The following HCN1 variants were observed in gnomAD, a reference collection of about 807,000 sequenced individuals.
HCN1 encodes potassium/sodium hyperpolarization-activated cyclic nucleotide-gated channel 1.
Under a neutral mutation model 78.9 loss-of-function variants are expected in HCN1, and 13 were observed. The ratio of observed to expected loss-of-function variants is 0.16; its 90% CI spans 0.11 to 0.26. HCN1 has a LOEUF of 0.26. HCN1 is among the 10% of genes least tolerant of loss of function. The pLI, the probability that HCN1 is intolerant of heterozygous loss-of-function variation, is 1.00. For missense variants in HCN1, 810 were observed against 1,154.3 expected (o/e 0.70, Z 4.32); for synonymous variants, 552 against 455.5 (o/e 1.21, Z -2.70).
chr5:45,501,456 C>CG (rs1358966944), intron 2 of HCN1, among the ~76,000 whole-genome samples: 1 of 151,560 alleles, frequency 6.6e-6, no homozygotes, highest in African/African-American at 2.4e-5. Flanking sequence ...TTTTTTGAGA[C>CG]GGAGTCTTGC....
chr5:45,355,774 C>A (rs1357481086), intron 4 of HCN1, among the ~76,000 whole-genome samples: 1 of 151,882 alleles, frequency 6.6e-6, no homozygotes, highest in African/African-American at 2.4e-5. Context: ...ACTGTTAATA[C>A]CTGCCAAGAT....
intron 3 of HCN1, among the ~76,000 whole-genome samples, chr5:45,426,865 G>T (rs780881641): frequency 6.6e-6 from 1 of 152,008 alleles, no homozygotes; most frequent in Non-Finnish European, 1.5e-5. Flanking sequence ...TTAAACTATA[G>T]TGTAGACAAA....
At chr5:45,365,765 A>G (rs1171607415) in intron 4 of HCN1, among the ~76,000 whole-genome samples, 1 of 151,884 alleles carries the variant, frequency 6.6e-6, no homozygotes, top group Non-Finnish European at 1.5e-5. Flanking sequence ...GAATCTCCAT[A>G]TCGTTTTACT....
At chr5:45,371,920 A>G (rs1747375865) in intron 4 of HCN1, among the ~76,000 whole-genome samples, 1 of 107,556 alleles carries the variant, frequency 9.3e-6, no homozygotes, top group Non-Finnish European at 1.8e-5. Flanking sequence ...AAAATATATA[A>G]TATACATTAT....
chr5:45,303,857 A>G lies in HCN1; in HGVS notation c.1378-18T>C. The G allele has an allele frequency of 6.2e-7, 1 of 1,606,624 alleles. No individual in the cohort carries two copies. The highest frequency in any genetic ancestry group is 8.5e-7 in the Non-Finnish European group (1 of 1,173,416). ...ACTATCTCCTAAAGATGTCAAGAGT[A>G]AACAAATATTAAGAGAGATATTAAT... On this transcript the variant is annotated intron_variant, in intron 5 of 7. Transcript: ENST00000303230.
At chr5:45,424,287 C>G (rs377342572) in intron 3 of HCN1, among the ~76,000 whole-genome samples, 2 of 151,454 alleles carry the variant, frequency 1.3e-5, no homozygotes, top group African/African-American at 4.9e-5. Context: ...AGCTAGACTC[C>G]GCCTCAAACA....
Position 45,262,363 on chromosome 5 carries a change from G to C in HCN1, c.2231C>G (p.Pro744Arg). 1 of 1,612,500 alleles carries C rather than the reference G, an allele frequency of 6.2e-7. No homozygotes were observed. The highest frequency in any genetic ancestry group is 1.3e-5 in the African/African-American group (1 of 75,040). ...PQQQVQQSQPPQTQPQQPSPQ... is the reference protein window; with the variant it reads ...PQQQVQQSQPRQTQPQQPSPQ... ...GGACGGCTGCTGTGGCTGAGTCTGC[G>C]GCGGCTGGGACTGCTGTACCTGCTG... Residue 744 changes from proline (P) to arginine (R), a missense_variant, in exon 8 of 8, where the codon CCG (proline) becomes CGG (arginine). This residue lies in a region of HCN1 where 398 missense variants were observed against 381.3 expected (regional missense o/e 1.04). Transcript: ENST00000303230.
At chr5:45,428,531 G>A (rs1398873299) in intron 3 of HCN1, among the ~76,000 whole-genome samples, 1 of 151,834 alleles carries the variant, frequency 6.6e-6, no homozygotes, top group African/African-American at 2.4e-5. Context: ...AATTACATTA[G>A]CAAATTTTGT....
rs1474208516 is a variant in HCN1 at position 45,258,188 on chromosome 5, G to A, written c.*3733C>T. On this transcript the variant is annotated 3_prime_UTR_variant, in exon 8 of 8. Coordinates refer to ENST00000303230, the MANE Select transcript of HCN1 (RefSeq NM_021072.4). ...CCTAAGCTGAAAGAGGAGGTATGGA[G>A]ATTTTTTAAATAGTCCTGAAAGATA... 1 of 152,090 alleles carries A rather than the reference G, an allele frequency of 6.6e-6. No homozygotes were observed. The highest frequency in any genetic ancestry group is 1.5e-5 in the Non-Finnish European group (1 of 67,984). The allele number at this position is 152,090 out of a possible 1,614,324, so 9.4% of individuals were successfully genotyped here.
chr5:45,666,713 A>G (rs1293580093), intron 1 of HCN1, among the ~76,000 whole-genome samples: 1 of 152,018 alleles, frequency 6.6e-6, no homozygotes, highest in African/African-American at 2.4e-5. Flanking sequence ...TTATATCACC[A>G]TTGTCTATCT....
intron 5 of HCN1, among the ~76,000 whole-genome samples, chr5:45,312,049 G>A (rs1745861209): frequency 6.6e-6 from 1 of 152,172 alleles, no homozygotes; most frequent in South Asian, 2.1e-4. Flanking sequence ...TTAAGAAGGT[G>A]TCTTAAAAGA....
chr5:45,625,216 T>A (rs1388489114), intron 2 of HCN1, among the ~76,000 whole-genome samples: 1 of 151,964 alleles, frequency 6.6e-6, no homozygotes, highest in Non-Finnish European at 1.5e-5. Flanking sequence ...GGTGGGATAA[T>A]CTCTTGAACC....
intron 2 of HCN1, among the ~76,000 whole-genome samples, chr5:45,624,340 G>A (rs928206403): frequency 6.6e-6 from 1 of 152,184 alleles, no homozygotes; most frequent in South Asian, 2.1e-4. Context: ...TATATAGCTG[G>A]TTAGAAGTGG....
chr5:45,690,205 G>A (rs1458231124), intron 1 of HCN1, among the ~76,000 whole-genome samples: 1 of 152,058 alleles, frequency 6.6e-6, no homozygotes, highest in African/African-American at 2.4e-5. Context: ...GTTACAGCTA[G>A]TGACCTGAAA....
chr5:45,300,582 T>C (rs537132713), intron 6 of HCN1, among the ~76,000 whole-genome samples: 1 of 152,276 alleles, frequency 6.6e-6, no homozygotes, highest in South Asian at 2.1e-4. Flanking sequence ...GCATACAAAA[T>C]ATGTTTTAAT....
chr5:45,658,491 C>T (rs1745832886), intron 1 of HCN1, among the ~76,000 whole-genome samples: 1 of 152,152 alleles, frequency 6.6e-6, no homozygotes, highest in South Asian at 2.1e-4. Flanking sequence ...CTACAGCTCC[C>T]AGCGTGAGCG....
chr5:45,278,149 C>T (rs943123652), intron 6 of HCN1, among the ~76,000 whole-genome samples: 1 of 152,064 alleles, frequency 6.6e-6, no homozygotes, highest in African/African-American at 2.4e-5. Context: ...CACATCTCTA[C>T]TCGTGACCTC....
At chr5:45,383,071 T>G (rs939407871) in intron 4 of HCN1, among the ~76,000 whole-genome samples, 5 of 152,158 alleles carry the variant, frequency 3.3e-5, no homozygotes, top group African/African-American at 9.7e-5. Flanking sequence ...TAACTACTAT[T>G]AGAGATGAAG....
At chr5:45,672,567 TAA>T (rs1312900071) in intron 1 of HCN1, among the ~76,000 whole-genome samples, 15 of 130,364 alleles carry the variant, frequency 1.2e-4, no homozygotes, top group African/African-American at 3.1e-4. Context: ...GCGAATTAAG[TAA>T]AAAAAAAAAA....
Sources: allele counts gnomAD v4.1 joint callset (sites outside exome capture counted in the v4.1 genomes callset), GRCh38; gene constraint gnomAD v4.1.1; regional missense constraint gnomAD v4.1.1; transcripts MANE v1.5; gene names NCBI Gene and HGNC (gene_info 2026-07-23, HGNC 2026-07-21).